The following DNASE1 variants were observed in gnomAD, a reference collection of about 807,000 sequenced individuals.
DNASE1 encodes the protein deoxyribonuclease 1.
A neutral mutation model predicts 33.9 loss-of-function variants in DNASE1; 40 were observed. The observed-to-expected ratio is 1.18, with a 90% CI of 0.92 to 1.54. DNASE1 has a LOEUF of 1.54. Ranked by LOEUF, DNASE1 falls within the 40% of genes most tolerant of loss-of-function variation. DNASE1 has a pLI of 0.00. For synonymous variants in DNASE1, 216 were observed against 160.0 expected (o/e 1.35, Z -2.64); for missense variants, 518 against 372.6 (o/e 1.39, Z -3.21).
upstream of DNASE1, among the ~76,000 whole-genome samples, chr16:3,641,939 G>T (rs1202307203): frequency 6.6e-6 from 1 of 152,250 alleles, no homozygotes; most frequent in South Asian, 2.1e-4. Context: ...AAAGGAGTGG[G>T]CAGAGTTGGA....
downstream of DNASE1, chr16:3,661,508 C>T (rs1452694395): frequency 1.3e-5 from 2 of 152,822 alleles, no homozygotes; most frequent in African/African-American, 4.8e-5. Flanking sequence ...TGACCAAGAA[C>T]CACCGGAGGC....
At chr16:3,656,055 G>A (rs750452830) in intron 3 of DNASE1, 47 bp from the exon 4 acceptor site, 5 of 1,612,176 alleles carry the variant, frequency 3.1e-6, no homozygotes, top group Non-Finnish European at 4.2e-6. Flanking sequence ...AGCCAGAGGG[G>A]TCCCCTATGG....
downstream of DNASE1, chr16:3,661,890 G>A (rs1049195535): frequency 4.6e-5 from 65 of 1,425,710 alleles, no homozygotes; most frequent in Middle Eastern, 2.8e-3. Context: ...CAGGCCTCAC[G>A]CACTTTTCTT....
chr16:3,633,887 C>T (rs1347774203), intron 1 of DNASE1, among the ~76,000 whole-genome samples: 1 of 151,426 alleles, frequency 6.6e-6, no homozygotes, highest in East Asian at 2.0e-4. Context: ...CGGCTCACTG[C>T]AAGCTCTGGA....
At chr16:3,648,067 C>T (rs1468305165) in intron 1 of DNASE1, among the ~76,000 whole-genome samples, 1 of 152,136 alleles carries the variant, frequency 6.6e-6, no homozygotes, top group Non-Finnish European at 1.5e-5. Context: ...ACTAGGGAGG[C>T]TGAGGGAGGA....
intron 1 of DNASE1, among the ~76,000 whole-genome samples, chr16:3,620,345 G>A (rs893013735): frequency 2.0e-5 from 3 of 151,818 alleles, no homozygotes; most frequent in Non-Finnish European, 4.4e-5. Flanking sequence ...AAAAGGCTTC[G>A]TATAATTAGT....
chr16:3,645,648 GGCGAGT>G (rs1162704393), intron 1 of DNASE1, among the ~76,000 whole-genome samples: 2 of 152,258 alleles, frequency 1.3e-5, no homozygotes, highest in Admixed American at 6.5e-5. Context: ...GAAGGCAGAA[GGCGAGT>G]GCTGACATTC....
exon 10 of DNASE1, chr16:3,663,631 G>A: frequency 6.3e-7 from 1 of 1,593,758 alleles, no homozygotes; most frequent in Non-Finnish European, 8.5e-7. Flanking sequence ...AAAGGATGAG[G>A]GCGGCAGGAG....
chr16:3,640,692 C>T, upstream of DNASE1: 1 of 398,646 alleles, frequency 2.5e-6, no homozygotes, highest in Non-Finnish European at 4.4e-6. Context: ...GCATGAGTAA[C>T]ACTCCCCTTT....
At chr16:3,654,185 G>GCCCTTGTGACCTGGTCACT (rs2042451352), upstream of DNASE1, 1 of 396,064 alleles carries the variant, frequency 2.5e-6, no homozygotes, top group Non-Finnish European at 4.4e-6. Context: ...CTGCTGCCCT[G>GCCCTTGTGACCTGGTCACT]CCCTTGTGAC....
At chr16:3,640,742 G>A (rs2042006068), upstream of DNASE1, 1 of 398,532 alleles carries the variant, frequency 2.5e-6, no homozygotes, top group African/African-American at 2.1e-5. Flanking sequence ...GGAACAGCAA[G>A]ATGGCAAAAG....
In DNASE1 at chr16:3,619,516, C is replaced by G. The variant is rs1004159489; in HGVS notation, c.-1359+7510C>G. ...AGCTGGGGCTACAGGCTCCCGCCAC[C>G]ACGCCTAGCTCCATTTTTGTATTTT... On this transcript the variant is annotated intron_variant and NMD_transcript_variant, in intron 1 of 11. Transcript: ENST00000570769. Among the ~76,000 whole-genome samples, 5 of 152,008 alleles carry G rather than the reference C, an allele frequency of 3.3e-5. 1 individual carries two copies. Among genetic ancestry groups the G allele is most frequent in the Admixed American group, 3.3e-4 (5 of 15,240 alleles).
intron 2 of DNASE1, 63 bp downstream of exon 2, chr16:3,655,583 G>A: frequency 6.2e-7 from 1 of 1,608,866 alleles, no homozygotes; most frequent in Admixed American, 1.7e-5. Context: ...CTGGTGGGCA[G>A]GGCCAGCCCT....
chr16:3,646,577 TGCAG>T (rs1363362085), intron 1 of DNASE1, among the ~76,000 whole-genome samples: 1 of 152,168 alleles, frequency 6.6e-6, no homozygotes, highest in Non-Finnish European at 1.5e-5. Context: ...GCCCCAGCTC[TGCAG>T]GCAGAGCGGA....
At chr16:3,633,472 G>T (rs1009319512) in intron 1 of DNASE1, among the ~76,000 whole-genome samples, 12 of 152,200 alleles carry the variant, frequency 7.9e-5, no homozygotes, top group South Asian at 4.2e-4. Flanking sequence ...GCCGGGCGTG[G>T]TGGTGGACGC....
At chr16:3,660,957 G>A (rs930436848), downstream of DNASE1, 21 of 151,932 alleles carry the variant, frequency 1.4e-4, no homozygotes, top group Admixed American at 5.9e-4. Context: ...TACATTGTGG[G>A]GGGGGTGGTA....
In DNASE1 at chr16:3,619,953, T is replaced by G. The variant is rs181900239; in HGVS notation, c.-1359+7947T>G. On this transcript the variant is annotated intron_variant and NMD_transcript_variant, in intron 1 of 11. Transcript: ENST00000570769. ...TTTTTTGAGACAGAGTCTTGCTCTG[T>G]CACCTAGGCTGGAGTGCAGTGGCAT... 2.1e-4 allele frequency among the ~76,000 whole-genome samples: 32 copies of G among 151,250 alleles called. No individual in the cohort carries two copies. The East Asian group carries it at 2.3e-3, about 11-fold the overall frequency.
At chr16:3,661,840 C>G (rs546683998), downstream of DNASE1, 4 of 1,105,864 alleles carry the variant, frequency 3.6e-6, no homozygotes, top group Middle Eastern at 2.1e-4. Context: ...TGGGTGCAGC[C>G]TAAACTGCAT....
At chr16:3,658,225 G>A (rs776747983), downstream of DNASE1, 88 of 1,613,350 alleles carry the variant, frequency 5.5e-5, 1 homozygote, top group African/African-American at 8.0e-5. Context: ...TGGCGTTCTC[G>A]TATATCTGAA....
Sources: gnomAD v4.1 joint callset for allele counts (sites outside exome capture counted in the v4.1 genomes callset) on GRCh38, gnomAD v4.1.1 for gene constraint, MANE v1.5 for transcripts, NCBI Gene and HGNC (gene_info 2026-07-23, HGNC 2026-07-21) for gene names.